Variants in COL18A1 observed in about 807,000 individuals in gnomAD.
COL18A1 encodes collagen alpha-1(XVIII) chain.
A neutral mutation model predicts 168.0 loss-of-function variants in COL18A1; 133 were observed. The observed-to-expected ratio is 0.79, with a 90% CI of 0.69 to 0.91. The LOEUF is 0.91. Among genes scored for constraint, COL18A1 ranks in the 40% least tolerant of loss-of-function variants. The pLI is 0.00. For missense variants in COL18A1, 2,126 were observed against 1,925.4 expected (o/e 1.10, Z -1.95); for synonymous variants, 949 against 809.0 (o/e 1.17, Z -2.94).
At chr21:45,497,747 C>G (rs773140663) in intron 32 of COL18A1, 86 bp downstream of exon 32, 2 of 1,529,070 alleles carry the variant, frequency 1.3e-6, no homozygotes, top group Non-Finnish European at 1.8e-6. Flanking sequence ...CCACCACAAG[C>G]AGGTCCTGGA....
chr21:45,458,570 C>T (rs115233599), intron 2 of COL18A1, among the ~76,000 whole-genome samples: 5,724 of 152,262 alleles, frequency 0.038, 303 homozygotes, highest in African/African-American at 0.099. Flanking sequence ...GCAACCCCCC[C>T]GGAGCCACAC....
rs1293576746 is a variant in COL18A1, at chr21:45,437,706, TCAGA to T, written c.107-30533_107-30530del. Among the ~76,000 whole-genome samples the T allele has an allele frequency of 3.7e-4, 4 of 10,776 alleles. 1 individual carries two copies. The highest frequency in any genetic ancestry group is 2.4e-3 in the South Asian group (1 of 410). The allele number at this position is 10,776 out of a possible 152,430, so 7.1% of individuals were successfully genotyped here. On this transcript the variant is annotated intron_variant, in intron 2 of 41. Coordinates refer to ENST00000651438, the MANE Select transcript of COL18A1 (RefSeq NM_001379500.1). Reference sequence around the variant, plus strand: ...CTCTCCTGCACACACACACACACACTCAGACACACAGGCACTCTCCTGCACACAC... The same window carrying T: ...CTCTCCTGCACACACACACACACACTCACACAGGCACTCTCCTGCACACAC...
intron 34 of COL18A1, 56 bp downstream of exon 34, chr21:45,504,612 C>T: frequency 2.0e-6 from 3 of 1,500,982 alleles, no homozygotes; most frequent in Admixed American, 3.9e-5. Flanking sequence ...GGTGCAGGAG[C>T]CGAGGGCAGG....
intron 2 of COL18A1, among the ~76,000 whole-genome samples, chr21:45,452,932 T>C (rs1243098290): frequency 6.6e-6 from 1 of 152,074 alleles, no homozygotes; most frequent in African/African-American, 2.4e-5. Context: ...TATTCACATG[T>C]GACATGTGAG....
chr21:45,431,655 C>T (rs762196222), intron 2 of COL18A1, among the ~76,000 whole-genome samples: 29 of 151,902 alleles, frequency 1.9e-4, no homozygotes, highest in Non-Finnish European at 3.5e-4. Flanking sequence ...TGGAAGCCCC[C>T]GGAAAGTGGT....
At chr21:45,429,152 C>T (rs1336260063) in intron 2 of COL18A1, among the ~76,000 whole-genome samples, 7 of 152,166 alleles carry the variant, frequency 4.6e-5, no homozygotes, top group Admixed American at 1.3e-4. Flanking sequence ...CTGCCCGCCT[C>T]GGCCTCCCAA....
chr21:45,439,227 G>A (rs1181528708), intron 2 of COL18A1, among the ~76,000 whole-genome samples: 1 of 152,268 alleles, frequency 6.6e-6, no homozygotes, highest in Non-Finnish European at 1.5e-5. Context: ...GAACACAGTG[G>A]GAGGGGCCTG....
chr21:45,445,062 C>T (rs1030712400), intron 2 of COL18A1, among the ~76,000 whole-genome samples: 1 of 152,194 alleles, frequency 6.6e-6, no homozygotes, highest in African/African-American at 2.4e-5. Context: ...ATCTATGCCA[C>T]CATCATCCCC....
intron 2 of COL18A1, among the ~76,000 whole-genome samples, chr21:45,418,607 C>T (rs867811116): frequency 6.1e-5 from 9 of 147,344 alleles, no homozygotes; most frequent in African/African-American, 2.3e-4. Context: ...GCACAGCCCG[C>T]CTCGTGCACC....
intron 15 of COL18A1, among the ~76,000 whole-genome samples, chr21:45,484,082 T>TAC (rs36140800): frequency 0.068 from 4,937 of 72,776 alleles, 1,406 homozygotes; most frequent in Non-Finnish European, 0.077. Flanking sequence ...CCAGCATATG[T>TAC]ACACACACAC....
Position 45,477,425 on chromosome 21 carries a change from G to C in COL18A1, c.943G>C (p.Gly315Arg). ...TCTCTTCCCAGCTCAGACACTTCCT[G>C]GCTCAGATTCTGTCTCCACGTGGGA... ...VASLGAQTLP[G>R]SDSVSTWDGS... Residue 315 changes from glycine to arginine, a missense_variant, in exon 7 of 42, where the codon GGC becomes CGC. By Grantham distance (125) the Gly-to-Arg change is moderately radical (BLOSUM62 -2). Transcript: ENST00000651438. 1 of 1,613,084 alleles carries C rather than the reference G, an allele frequency of 6.2e-7. No individual in the cohort carries two copies. The highest frequency in any genetic ancestry group is 1.1e-5 in the South Asian group (1 of 90,800).
Position 45,505,363 on chromosome 21 carries a change from A to C in COL18A1, c.3019A>C (p.Ser1007Arg). ...SFPGPHRQTI[S>R]VPGPPGPPGP... is the part of the protein sequence containing the mutation. Reference sequence around the variant, plus strand: ...CCTTGGTTTCTCTCCTGCAGCTATCAGCGTTCCCGGCCCTCCGGGCCCCCC... The same window carrying C: ...CCTTGGTTTCTCTCCTGCAGCTATCCGCGTTCCCGGCCCTCCGGGCCCCCC... The change falls in exon 36 of 42, where the codon AGC becomes CGC. Residue 1007 changes from serine (S) to arginine (R), a missense_variant. Ser to Arg is a moderately radical substitution (Grantham distance 110, BLOSUM62 -1). Coordinates refer to ENST00000651438, the MANE Select transcript of COL18A1 (RefSeq NM_001379500.1). 1 of 1,594,398 alleles carries C rather than the reference A, an allele frequency of 6.3e-7. No homozygotes were observed. The highest frequency in any genetic ancestry group is 1.1e-5 in the South Asian group (1 of 90,432).
Position 45,443,672 on chromosome 21 carries a change from C to A in COL18A1, c.107-24570C>A, listed in dbSNP as rs114451752. ...GGTCCTGTACCTGTCTGTCACATCC[C>A]GGGCTGCAGCCGGGTCCCCAGGGAG... On this transcript the variant is annotated intron_variant, in intron 2 of 41. Transcript: ENST00000651438. The surrounding 1 kb of genome is among the most constrained non-coding windows in gnomAD (Gnocchi z 5.2). 2.0e-5 allele frequency among the ~76,000 whole-genome samples: 3 copies of A among 152,164 alleles called. No individual in the cohort carries two copies. The highest frequency in any genetic ancestry group is 4.4e-5 in the Non-Finnish European group (3 of 68,020).
intron 2 of COL18A1, among the ~76,000 whole-genome samples, chr21:45,464,526 A>G (rs115018059): frequency 0.013 from 1,956 of 152,252 alleles, 50 homozygotes; most frequent in African/African-American, 0.044. Context: ...ACTGTAAGAA[A>G]TTGCCACAAA....
intron 2 of COL18A1, among the ~76,000 whole-genome samples, chr21:45,434,061 G>GTGTATGAGCAGGTGCATGGGCCAGA (rs2034034473): frequency 7.2e-6 from 1 of 138,222 alleles, no homozygotes; most frequent in African/African-American, 2.8e-5. Context: ...CATGGGCCAG[G>GTGTATGAGCAGGTGCATGGGCCAGA]TGTGTGAGCA....
intron 24 of COL18A1, 77 bp from the exon 25 acceptor site, chr21:45,493,086 T>C: frequency 2.8e-6 from 4 of 1,408,482 alleles, no homozygotes; most frequent in Non-Finnish European, 3.9e-6. Context: ...GGGGCAGCTG[T>C]CGGGGGAGAT....
At chr21:45,485,201 A>T (rs2036068624) in intron 15 of COL18A1, among the ~76,000 whole-genome samples, 1 of 120,844 alleles carries the variant, frequency 8.3e-6, no homozygotes, top group Non-Finnish European at 1.6e-5. Flanking sequence ...GGGTTTCGTC[A>T]TGATGGCCAG....
At chr21:45,434,754 C>G (rs940607967) in intron 2 of COL18A1, among the ~76,000 whole-genome samples, 8 of 152,126 alleles carry the variant, frequency 5.3e-5, no homozygotes, top group Admixed American at 5.2e-4. Flanking sequence ...GAGATGGGGG[C>G]TCCCCCACGT....
chr21:45,407,359 G>GCTACA (rs1279546740), intron 2 of COL18A1: 1 of 152,246 alleles, frequency 6.6e-6, no homozygotes, highest in Non-Finnish European at 1.5e-5. Context: ...ATGTCTCTGT[G>GCTACA]CTACACTTGA....
Sources: gnomAD v4.1 joint callset for allele counts (sites outside exome capture counted in the v4.1 genomes callset) on GRCh38, gnomAD v4.1.1 for gene constraint, Gnocchi (gnomAD v3.1) non-coding constraint, MANE v1.5 for transcripts, NCBI Gene and HGNC (gene_info 2026-07-23, HGNC 2026-07-21) for gene names.